LGR6: variants seen among roughly 807,000 people sequenced by gnomAD.
The protein encoded by LGR6 is leucine rich repeat containing G protein-coupled receptor 6.
A neutral mutation model predicts 69.4 loss-of-function variants in LGR6; 45 were observed. That is an observed-to-expected ratio of 0.65 (90% CI 0.51 to 0.83). The LOEUF (loss-of-function observed/expected upper bound fraction) is 0.83, where lower values mean the gene tolerates loss of function less well. LGR6 is among the 40% of genes least tolerant of loss of function. The probability of loss-of-function intolerance (pLI) is 0.00; values close to 1 mark genes in which losing one functional copy is unlikely to be tolerated. For missense variants in LGR6, 1,108 were observed against 1,246.7 expected (o/e 0.89, Z 1.68); for synonymous variants, 538 against 555.0 (o/e 0.97, Z 0.43).
intron 1 of LGR6, among the ~76,000 whole-genome samples, chr1:202,211,612 T>C (rs1659465595): frequency 6.6e-6 from 1 of 152,198 alleles, no homozygotes; most frequent in South Asian, 2.1e-4. Flanking sequence ...CCGCCTGCCT[T>C]GGCCTCCCAA....
intron 1 of LGR6, among the ~76,000 whole-genome samples, chr1:202,221,213 G>A (rs1052666375): frequency 2.0e-5 from 3 of 151,902 alleles, no homozygotes; most frequent in Non-Finnish European, 4.4e-5. Context: ...CAATCCCCTC[G>A]GGCCCTGGGA....
chr1:202,293,855 CA>C (rs1164650311), intron 6 of LGR6, among the ~76,000 whole-genome samples: 1 of 152,156 alleles, frequency 6.6e-6, no homozygotes, highest in Admixed American at 6.5e-5. Context: ...TGCCTTTTAC[CA>C]TATGTCTTTT....
intron 7 of LGR6, among the ~76,000 whole-genome samples, chr1:202,299,522 C>G (rs902580756): frequency 2.0e-5 from 3 of 152,176 alleles, no homozygotes; most frequent in Non-Finnish European, 4.4e-5. Flanking sequence ...CCATCTCTCT[C>G]TCTCTCATCT....
At chr1:202,303,146 A>G in intron 9 of LGR6, 133 bp from the exon 10 acceptor site, 1 of 727,178 alleles carries the variant, frequency 1.4e-6, no homozygotes, top group Admixed American at 1.9e-5. Flanking sequence ...GGCTGACTTG[A>G]GGAAGATTGC....
chr1:202,194,653 A>T, intron 1 of LGR6: 3 of 477,954 alleles, frequency 6.3e-6, no homozygotes, highest in East Asian at 6.6e-5. Context: ...TTCTTCTGCC[A>T]TGGTGAGGAC....
At chr1:202,253,057 T>A (rs1480654697) in intron 4 of LGR6, among the ~76,000 whole-genome samples, 2 of 152,220 alleles carry the variant, frequency 1.3e-5, no homozygotes, top group Non-Finnish European at 2.9e-5. Flanking sequence ...CTGTCTACTT[T>A]TAGCTGGAAG....
chr1:202,211,409 A>C (rs567381171), intron 1 of LGR6, among the ~76,000 whole-genome samples: 1 of 152,220 alleles, frequency 6.6e-6, no homozygotes, highest in Non-Finnish European at 1.5e-5. Context: ...GCTGGAGTGC[A>C]GTGGTGTGAT....
At chr1:202,245,291 G>C (rs984632330) in intron 4 of LGR6, among the ~76,000 whole-genome samples, 1 of 140,900 alleles carries the variant, frequency 7.1e-6, no homozygotes, top group Admixed American at 7.8e-5. Context: ...GGCAGAGGCT[G>C]CTCTGAGGTG....
intron 4 of LGR6, among the ~76,000 whole-genome samples, chr1:202,238,937 C>G (rs1214073113): frequency 6.6e-6 from 1 of 152,156 alleles, no homozygotes; most frequent in Non-Finnish European, 1.5e-5. Flanking sequence ...CGAAGCGGTG[C>G]GTTTTAACAA....
intron 5 of LGR6, among the ~76,000 whole-genome samples, chr1:202,279,561 TG>T (rs1277345998): frequency 6.6e-6 from 1 of 152,242 alleles, no homozygotes; most frequent in East Asian, 1.9e-4. Context: ...CTAATTATCC[TG>T]GAACAATGTA....
chr1:202,306,776 G>A (rs1165225592), intron 12 of LGR6, 92 bp from the exon 13 acceptor site: 2 of 1,130,950 alleles, frequency 1.8e-6, no homozygotes, highest in South Asian at 1.3e-5. Context: ...AGAAGTGGGG[G>A]GCTCTACTTT....
intron 17 of LGR6, among the ~76,000 whole-genome samples, chr1:202,315,291 TC>T (rs1572027844): frequency 6.6e-6 from 1 of 152,174 alleles, no homozygotes; most frequent in East Asian, 1.9e-4. Context: ...GGTCACCTTC[TC>T]CATCCCTCCC....
chr1:202,278,412 A>G (rs564951072), intron 5 of LGR6, among the ~76,000 whole-genome samples: 70 of 152,248 alleles, frequency 4.6e-4, no homozygotes, highest in African/African-American at 1.6e-3. Context: ...TTATAGATCT[A>G]GGAGAGATTG....
chr1:202,263,777 C>A (rs1664422151), intron 4 of LGR6, among the ~76,000 whole-genome samples: 1 of 152,050 alleles, frequency 6.6e-6, no homozygotes, highest in Non-Finnish European at 1.5e-5. Context: ...ATACAAAGAT[C>A]CAAAGATGAA....
intron 6 of LGR6, among the ~76,000 whole-genome samples, chr1:202,282,362 G>A (rs531048779): frequency 6.6e-6 from 1 of 152,312 alleles, no homozygotes; most frequent in South Asian, 2.1e-4. Flanking sequence ...AGCAGATCTA[G>A]GGTGCATTAA....
chr1:202,289,204 C>T (rs1666614987), intron 6 of LGR6, among the ~76,000 whole-genome samples: 1 of 152,186 alleles, frequency 6.6e-6, no homozygotes, highest in Non-Finnish European at 1.5e-5. Context: ...AAGACGGGCA[C>T]TCCAGCTGAC....
At chr1:202,240,375 GA>G (rs1238580002) in intron 4 of LGR6, among the ~76,000 whole-genome samples, 2,791 of 105,166 alleles carry the variant, frequency 0.027, 77 homozygotes, top group African/African-American at 0.08. Flanking sequence ...CTCCATCTCA[GA>G]AAAAAAAAAA....
chr1:202,203,913 T>C (rs1364890576), intron 1 of LGR6: 1 of 1,481,178 alleles, frequency 6.8e-7, no homozygotes, highest in Admixed American at 1.7e-5. Flanking sequence ...CCTTGGGGGG[T>C]GTTTAGCACA....
At chr1:202,244,876 G>A (rs998088729) in intron 4 of LGR6, among the ~76,000 whole-genome samples, 3 of 152,204 alleles carry the variant, frequency 2.0e-5, no homozygotes, top group Non-Finnish European at 4.4e-5. Context: ...GTTAGAGTGG[G>A]CAGTAGTCAC....
Sources: allele counts gnomAD v4.1 joint callset (sites outside exome capture counted in the v4.1 genomes callset), GRCh38; gene constraint gnomAD v4.1.1; transcripts MANE v1.5; gene names NCBI Gene and HGNC (gene_info 2026-07-23, HGNC 2026-07-21).